The following NEMP2 variants were observed in gnomAD, a reference collection of about 807,000 sequenced individuals.
NEMP2 encodes nuclear envelope integral membrane protein 2.
In NEMP2, 53 loss-of-function variants were observed where a neutral mutation model predicts 54.2. The observed-to-expected ratio is 0.98, with a 90% CI of 0.78 to 1.23. The LOEUF is 1.23. Among genes scored for constraint, NEMP2 ranks in the 50% most tolerant of loss-of-function variants. The probability of loss-of-function intolerance (pLI) is 0.00; values close to 1 mark genes in which losing one functional copy is unlikely to be tolerated. For missense variants in NEMP2, 455 were observed against 511.3 expected (o/e 0.89, Z 1.06); for synonymous variants, 197 against 190.3 (o/e 1.04, Z -0.29).
the NEMP2 span, among the ~76,000 whole-genome samples, chr2:190,482,903 T>TTTTTTG: frequency 0.085 from 7,256 of 85,868 alleles, 2,709 homozygotes; most frequent in Non-Finnish European, 0.12. Flanking sequence ...TTTTTTTTTT[T>TTTTTTG]AGACGGAGTC....
chr2:190,497,960 C>G, the NEMP2 span: 3 of 368,218 alleles, frequency 8.1e-6, no homozygotes, highest in African/African-American at 6.1e-5. The surrounding 1 kb of genome is among the most constrained non-coding windows in gnomAD (Gnocchi z 5.2). Flanking sequence ...ATGATTCTTT[C>G]ACTTCTTGAA....
At chr2:190,560,319 G>C in the NEMP2 span, among the ~76,000 whole-genome samples, 3 of 152,246 alleles carry the variant, frequency 2.0e-5, no homozygotes, top group African/African-American at 7.2e-5. This position sits in a 1 kb window ranked among gnomAD's most constrained non-coding sequence, Gnocchi z 5.4. Flanking sequence ...TTCATCACTA[G>C]ATCACACTTC....
At chr2:190,551,743 G>A in the NEMP2 span, among the ~76,000 whole-genome samples, 21 of 152,304 alleles carry the variant, frequency 1.4e-4, 1 homozygote, top group Middle Eastern at 6.8e-3. Context: ...TTACATGAAA[G>A]TGTCTTTCCA....
chr2:190,463,384 G>A, the NEMP2 span, among the ~76,000 whole-genome samples: 1 of 152,136 alleles, frequency 6.6e-6, no homozygotes, highest in African/African-American at 2.4e-5. This position sits in a 1 kb window ranked among gnomAD's most constrained non-coding sequence, Gnocchi z 4.4. Flanking sequence ...GGGGAGGAGG[G>A]CACATCAAGT....
the NEMP2 span, among the ~76,000 whole-genome samples, chr2:190,618,287 T>C: frequency 6.6e-6 from 1 of 152,226 alleles, no homozygotes; most frequent in Non-Finnish European, 1.5e-5. Flanking sequence ...CTTTGCCAGG[T>C]GTTCTAAGCA....
In NEMP2 at chr2:190,509,133, T is replaced by C. The variant is rs1027434932; in HGVS notation, c.*56A>G. ...ACAGTTCTGCCTAACTTTAATAGAA[T>C]CCCTGCCCTTTGCCCACTTCCTTGT... On this transcript the variant is annotated 3_prime_UTR_variant, in exon 9 of 9. Coordinates refer to ENST00000409150, the MANE Select transcript of NEMP2 (RefSeq NM_001142645.2). The surrounding 1 kb of genome is among the most constrained non-coding windows in gnomAD (Gnocchi z 6.1). The C allele has an allele frequency of 8.1e-5, 125 of 1,545,274 alleles. No individual in the cohort carries two copies. Among genetic ancestry groups the C allele is most frequent in the East Asian group, 2.5e-4 (10 of 40,786 alleles).
At chr2:190,438,478 T>C in the NEMP2 span, among the ~76,000 whole-genome samples, 4 of 152,184 alleles carry the variant, frequency 2.6e-5, 1 homozygote, top group South Asian at 8.3e-4. The surrounding 1 kb of genome is among the most constrained non-coding windows in gnomAD (Gnocchi z 5.2). Flanking sequence ...ATCACACCAC[T>C]GCACACCAGC....
At chr2:190,640,961 C>T in the NEMP2 span, 1 of 152,172 alleles carries the variant, frequency 6.6e-6, no homozygotes, top group African/African-American at 2.4e-5. Flanking sequence ...CTCTTGCAAT[C>T]CAAGCGAAGA....
the NEMP2 span, among the ~76,000 whole-genome samples, chr2:190,601,991 T>C: frequency 1.8e-3 from 267 of 152,254 alleles, no homozygotes; most frequent in African/African-American, 6.2e-3. This position sits in a 1 kb window ranked among gnomAD's most constrained non-coding sequence, Gnocchi z 5.8. Context: ...TTACAGGTGA[T>C]GGAAATACAA....
At chr2:190,623,718 A>G in the NEMP2 span, among the ~76,000 whole-genome samples, 4 of 152,190 alleles carry the variant, frequency 2.6e-5, no homozygotes, top group African/African-American at 9.6e-5. Flanking sequence ...ACTAGAAGAA[A>G]ACATTGGGGG....
chr2:190,469,653 G>A, the NEMP2 span: 1 of 565,144 alleles, frequency 1.8e-6, no homozygotes, highest in African/African-American at 1.9e-5. The surrounding 1 kb of genome is among the most constrained non-coding windows in gnomAD (Gnocchi z 5.3). Flanking sequence ...GGAAAAGGTA[G>A]GTAATATTTG....
In NEMP2 at chr2:190,510,404, A is replaced by G. The variant is rs1690316127; in HGVS notation, c.1087T>C (p.Phe363Leu). 1 of 1,551,634 alleles carries G rather than the reference A, an allele frequency of 6.4e-7. No individual in the cohort carries two copies. The highest frequency in any genetic ancestry group is 1.4e-5 in the African/African-American group (1 of 73,036). ...ELRRACRKPD[F>L]PSWLVVSRLH... is the part of the protein sequence containing the mutation. Reference sequence around the variant, plus strand: ...CTGGAGACGACCAGCCATGAGGGAAAGTCGGGTTTTCGGCAGGCCCGGCGT... The same window carrying G: ...CTGGAGACGACCAGCCATGAGGGAAGGTCGGGTTTTCGGCAGGCCCGGCGT... Residue 363 changes from phenylalanine (F) to leucine (L), a missense_variant, in exon 8 of 9, where the codon TTT (phenylalanine) becomes CTT (leucine). Physicochemically the swap from Phe to Leu is conservative, Grantham distance 22 (BLOSUM62 0). This residue lies in a region of NEMP2 where 294 missense variants were observed against 333.6 expected (regional missense o/e 0.88). Coordinates refer to ENST00000409150, the MANE Select transcript of NEMP2 (RefSeq NM_001142645.2). This position sits in a 1 kb window ranked among gnomAD's most constrained non-coding sequence, Gnocchi z 5.7.
At chr2:190,477,378 T>G in the NEMP2 span, 35 of 978,966 alleles carry the variant, frequency 3.6e-5, no homozygotes, top group Non-Finnish European at 4.1e-5. Flanking sequence ...AAATAAAGAT[T>G]TGTATACCTA....
chr2:190,464,145 C>T, the NEMP2 span, among the ~76,000 whole-genome samples: 4 of 152,174 alleles, frequency 2.6e-5, no homozygotes, highest in Admixed American at 6.5e-5. Context: ...CATTGGTGTG[C>T]GTGCATCTTT....
chr2:190,517,535 T>C lies in NEMP2; in HGVS notation c.597A>G (p.Lys199=). ...MTLVFVLLLV[K]RFIPKYSTFW... is the part of the protein sequence containing the mutation. ...GTATGCCTACCTTCGGAATGAATCTTTTCACCAACAGCAAGACAAAGACTA... is the reference window on the plus strand; with the variant it reads ...GTATGCCTACCTTCGGAATGAATCTCTTCACCAACAGCAAGACAAAGACTA... Residue 199 remains lysine, a synonymous_variant, in exon 5 of 9, where the codon AAA becomes AAG. Coordinates refer to ENST00000409150, the MANE Select transcript of NEMP2 (RefSeq NM_001142645.2). 1 of 1,549,848 alleles carries C rather than the reference T, an allele frequency of 6.5e-7. No homozygotes were observed. Among genetic ancestry groups the C allele is most frequent in the Non-Finnish European group, 8.7e-7 (1 of 1,146,232 alleles).
At chr2:190,435,916 G>A in the NEMP2 span, 1 of 1,338,470 alleles carries the variant, frequency 7.5e-7, no homozygotes, top group Non-Finnish European at 1.0e-6. Flanking sequence ...GCAAGATGAA[G>A]TTCTGTGTTT....
At chr2:190,582,555 T>C in the NEMP2 span, among the ~76,000 whole-genome samples, 1 of 152,198 alleles carries the variant, frequency 6.6e-6, no homozygotes, top group Non-Finnish European at 1.5e-5. This position sits in a 1 kb window ranked among gnomAD's most constrained non-coding sequence, Gnocchi z 4.6. Context: ...CATTTATCTC[T>C]TTTTTGCATA....
chr2:190,515,841 A>G (rs1202542465), intron 6 of NEMP2, among the ~76,000 whole-genome samples: 3 of 152,206 alleles, frequency 2.0e-5, no homozygotes, highest in Non-Finnish European at 4.4e-5. Flanking sequence ...TGTGTTTCTG[A>G]AAAGGCAAGT....
chr2:190,620,950 C>T, the NEMP2 span, among the ~76,000 whole-genome samples: 1 of 152,084 alleles, frequency 6.6e-6, no homozygotes, highest in African/African-American at 2.4e-5. This position sits in a 1 kb window ranked among gnomAD's most constrained non-coding sequence, Gnocchi z 4.9. Context: ...TATCAATATA[C>T]TTCTATATGC....
Sources: gnomAD v4.1 joint callset for allele counts (sites outside exome capture counted in the v4.1 genomes callset) on GRCh38, gnomAD v4.1.1 for gene constraint, gnomAD v4.1.1 regional missense constraint, Gnocchi (gnomAD v3.1) non-coding constraint, MANE v1.5 for transcripts, NCBI Gene and HGNC (gene_info 2026-07-23, HGNC 2026-07-21) for gene names.